Variants in AMBP observed in about 807,000 individuals in gnomAD.
AMBP encodes the protein protein AMBP.
In AMBP, 37 loss-of-function variants were observed where a neutral mutation model predicts 46.3. That is an observed-to-expected ratio of 0.80 (90% confidence interval 0.61 to 1.05). The LOEUF (loss-of-function observed/expected upper bound fraction) is 1.05. AMBP is among the 50% of genes least tolerant of loss of function. The pLI, the probability that AMBP is intolerant of heterozygous loss-of-function variation, is 0.00. For synonymous variants in AMBP, 174 were observed against 175.9 expected, an observed-to-expected ratio of 0.99 and a Z score of 0.09; for missense variants, 475 against 461.2, an observed-to-expected ratio of 1.03 and a Z score of -0.27.
At chr9:114,075,160 GT>G in intron 2 of AMBP, 124 bp from the exon 3 acceptor site, 1 of 704,368 alleles carries the variant, frequency 1.4e-6, no homozygotes, top group Non-Finnish European at 2.4e-6. Flanking sequence ...GTGTGTTTTT[GT>G]TTGCTTTTTA....
At chr9:114,066,599 C>A (rs1288641220) in intron 6 of AMBP, among the ~76,000 whole-genome samples, 5 of 152,038 alleles carry the variant, frequency 3.3e-5, no homozygotes, top group African/African-American at 1.2e-4. Flanking sequence ...TCAGAACCAG[C>A]AAATAAATTA....
At position 114,075,591 on chromosome 9, in the gene AMBP, C is replaced by T. The variant is rs79355812; in HGVS notation, c.261-555G>A. Among the ~76,000 whole-genome samples the T allele has an allele frequency of 3.8e-3, 578 of 152,354 alleles. 15 individuals are homozygous for T. The East Asian group carries it at 0.06, about 16-fold the overall frequency. On this transcript the variant is annotated intron_variant, in intron 2 of 9. Coordinates refer to ENST00000265132, the MANE Select transcript of AMBP (RefSeq NM_001633.4). ...TTGGGCAGCACCTATGTGGCAAGCCCTGTGCTACATGGCAGGGATACATGA... is the reference window on the plus strand; with the variant it reads ...TTGGGCAGCACCTATGTGGCAAGCCTTGTGCTACATGGCAGGGATACATGA...
chr9:114,062,789 G>A, intron 6 of AMBP, 31 bp from the exon 7 acceptor site: 1 of 1,602,902 alleles, frequency 6.2e-7, no homozygotes, highest in Middle Eastern at 1.7e-4. Flanking sequence ...AGAAGCAGTT[G>A]CAGACTCCTT....
chr9:114,074,567 A>T (rs1364380162), intron 3 of AMBP, among the ~76,000 whole-genome samples: 1 of 152,260 alleles, frequency 6.6e-6, no homozygotes, highest in African/African-American at 2.4e-5. Flanking sequence ...TGTTTGGCAC[A>T]TAGAGCATAT....
chr9:114,064,800 G>T (rs959626195), intron 6 of AMBP, among the ~76,000 whole-genome samples: 1 of 152,156 alleles, frequency 6.6e-6, no homozygotes, highest in Non-Finnish European at 1.5e-5. Context: ...TTTTGGAACC[G>T]AATAGAATGG....
At chr9:114,064,403 T>TA (rs889510199) in intron 6 of AMBP, among the ~76,000 whole-genome samples, 48 of 151,212 alleles carry the variant, frequency 3.2e-4, no homozygotes, top group Non-Finnish European at 5.0e-4. Context: ...CAATTTTTTT[T>TA]AAAAAAAATA....
At chr9:114,062,800 G>C in intron 6 of AMBP, 42 bp from the exon 7 acceptor site, 2 of 1,577,982 alleles carry the variant, frequency 1.3e-6, no homozygotes. Flanking sequence ...CAGACTCCTT[G>C]CCGCTATTGC....
intron 6 of AMBP, among the ~76,000 whole-genome samples, 170 bp downstream of exon 6, chr9:114,069,529 T>C (rs1846722833): frequency 1.3e-5 from 2 of 152,090 alleles, no homozygotes; most frequent in African/African-American, 4.8e-5. Context: ...GGTGGCAGAA[T>C]CAAGATGGAG....
intron 5 of AMBP, among the ~76,000 whole-genome samples, chr9:114,071,450 G>T (rs1244460612): frequency 6.6e-6 from 1 of 152,274 alleles, no homozygotes; most frequent in African/African-American, 2.4e-5. Context: ...AGTGGGGGCT[G>T]ATGGCAGCCT....
chr9:114,076,185 A>C (rs547838172), intron 2 of AMBP, among the ~76,000 whole-genome samples: 1 of 149,000 alleles, frequency 6.7e-6, no homozygotes, highest in Non-Finnish European at 1.5e-5. Context: ...ACAACCAGGA[A>C]AGAAAGGGAG....
Position 114,060,197 on chromosome 9 carries a change from G to A in AMBP, c.*42C>T. 6.2e-7 allele frequency: 1 copy of A among 1,602,216 alleles called. No homozygotes were observed. The highest frequency in any genetic ancestry group is 8.5e-7 in the Non-Finnish European group (1 of 1,172,790). On this transcript the variant is annotated 3_prime_UTR_variant, in exon 10 of 10. Transcript: ENST00000265132. The stretch of plus-strand genomic sequence containing the variant: ...GGCGCTGCCTGCCACAGGACCCCGG[G>A]ACAGACACTGGCCATCCTCTGACTT...
chr9:114,061,641 A>G, intron 7 of AMBP, 50 bp from the exon 8 acceptor site: 1 of 1,517,594 alleles, frequency 6.6e-7, no homozygotes, highest in Non-Finnish European at 8.8e-7. Context: ...CTGTGTACCC[A>G]TTATCAGGCT....
intron 5 of AMBP, among the ~76,000 whole-genome samples, chr9:114,071,329 G>C (rs1006697590): frequency 6.6e-6 from 1 of 152,258 alleles, no homozygotes; most frequent in African/African-American, 2.4e-5. Context: ...CCAGGGTGCT[G>C]TTGCAGCCTG....
In AMBP at chr9:114,060,133, G is replaced by A. The variant is rs749752789; in HGVS notation, c.*106C>T. ...GAACAATGAGGACACAGAATTTCAGGAGTTTACAATTTAGTTTTTATTTGG... is the reference window on the plus strand; with the variant it reads ...GAACAATGAGGACACAGAATTTCAGAAGTTTACAATTTAGTTTTTATTTGG... On this transcript the variant is annotated 3_prime_UTR_variant, in exon 10 of 10. Coordinates refer to ENST00000265132, the MANE Select transcript of AMBP (RefSeq NM_001633.4). The A allele has an allele frequency of 7.6e-6, 9 of 1,189,722 alleles. No homozygotes were observed. In the Middle Eastern group the frequency reaches 8.2e-4, roughly 109 times the overall value. The allele number at this position is 1,189,722 out of a possible 1,614,324, so 73.7% of individuals were successfully genotyped here. A position where few individuals can be genotyped will look rare whatever the true frequency, so the allele number is the denominator to read the frequency against.
At position 114,060,958 on chromosome 9, in the gene AMBP, C is replaced by T. The variant is rs138565623; in HGVS notation, c.994G>A (p.Glu332Lys). The T allele has an allele frequency of 8.7e-6, 14 of 1,614,252 alleles. No homozygotes were observed. The African/African-American group carries it at 1.7e-4, about 20-fold the overall frequency. The change falls in exon 9 of 10, where the codon GAG becomes AAG. Residue 332 changes from glutamate to lysine, a missense_variant. Glu to Lys is a moderately conservative substitution (Grantham distance 56). Coordinates refer to ENST00000265132, the MANE Select transcript of AMBP (RefSeq NM_001633.4). ...GNGNKFYSEK[E>K]CREYCGVPGD... is the part of the protein sequence containing the mutation. The stretch of plus-strand genomic sequence containing the variant: ...GGGACACCGCAGTACTCTCTGCACT[C>T]CTTCTCTGAGTAGAACTTGTTCCCG...
At chr9:114,075,797 G>C (rs1564373607) in intron 2 of AMBP, among the ~76,000 whole-genome samples, 6 of 152,110 alleles carry the variant, frequency 3.9e-5, no homozygotes. Context: ...AGGGCTTCCT[G>C]GAGGAGGTGA....
At chr9:114,062,249 T>G (rs1174712728) in intron 7 of AMBP, among the ~76,000 whole-genome samples, 2 of 152,166 alleles carry the variant, frequency 1.3e-5, no homozygotes, top group African/African-American at 2.4e-5. Flanking sequence ...GTTCAGTGTT[T>G]GTTTGCTGAT....
At chr9:114,074,628 C>T (rs1351472157) in intron 3 of AMBP, among the ~76,000 whole-genome samples, 3 of 152,056 alleles carry the variant, frequency 2.0e-5, no homozygotes, top group African/African-American at 4.8e-5. Context: ...AAATCCCTCT[C>T]TCACTTAGCA....
rs375383797 is a variant in AMBP at position 114,078,179 on chromosome 9, G to A, written c.31C>T (p.Leu11=). Residue 11 remains leucine (L), a synonymous_variant, in exon 1 of 10, where the codon CTG becomes TTG. Transcript: ENST00000265132. MRSLGALLLL[L]SACLAVSAGP... ...GCGCTCACCGCCAGGCAGGCGCTCA[G>A]CAGCAAGAGCAGGGCCCCGAGGCTC... The A allele has an allele frequency of 2.6e-5, 42 of 1,612,996 alleles. 1 individual carries two copies. Among genetic ancestry groups the A allele is most frequent in the Middle Eastern group, 1.6e-4 (1 of 6,082 alleles).
Sources: gnomAD v4.1 joint callset for allele counts (sites outside exome capture counted in the v4.1 genomes callset) on GRCh38, gnomAD v4.1.1 for gene constraint, MANE v1.5 for transcripts, NCBI Gene and HGNC (gene_info 2026-07-23, HGNC 2026-07-21) for gene names.